Variants in RALGAPA2 observed in about 807,000 individuals in gnomAD.
RALGAPA2 encodes Ral GTPase activating protein catalytic subunit alpha 2.
RALGAPA2 carries 139 observed loss-of-function variants against 230.4 expected under a neutral mutation model. The ratio of observed to expected loss-of-function variants is 0.60; its 90% CI spans 0.53 to 0.69. RALGAPA2 has a LOEUF of 0.69. RALGAPA2 is among the 30% of genes least tolerant of loss of function. RALGAPA2 has a pLI of 0.00. For synonymous variants in RALGAPA2, 847 were observed against 837.8 expected (o/e 1.01, Z -0.19); for missense variants, 2,163 against 2,276.0 (o/e 0.95, Z 1.01).
intron 5 of RALGAPA2, among the ~76,000 whole-genome samples, chr20:20,641,964 G>A (rs1048767090): frequency 1.3e-5 from 2 of 151,452 alleles, no homozygotes; most frequent in African/African-American, 2.4e-5. Flanking sequence ...CCATTAACGG[G>A]GTAAATTCAC....
chr20:20,490,861 AACACACAC>A (rs34230105), intron 36 of RALGAPA2, among the ~76,000 whole-genome samples: 10 of 142,210 alleles, frequency 7.0e-5, no homozygotes, highest in South Asian at 2.3e-4. Flanking sequence ...AACACACATG[AACACACAC>A]ACACACACAC....
Position 20,546,847 on chromosome 20 carries a change from A to G in RALGAPA2, c.3157-15T>C. The G allele has an allele frequency of 6.4e-7, 1 of 1,564,926 alleles. No homozygotes were observed. Among genetic ancestry groups the G allele is most frequent in the Admixed American group, 2.1e-5 (1 of 48,114 alleles). ...TTTAAGATATCCTAAAAGGGAAGAT[A>G]AGAAAAAACACAATCGTAATGTTCA... On this transcript the variant is annotated splice_polypyrimidine_tract_variant and intron_variant, in intron 23 of 39. Transcript: ENST00000202677.
At chr20:20,558,677 A>G (rs893524540) in intron 23 of RALGAPA2, among the ~76,000 whole-genome samples, 4 of 151,674 alleles carry the variant, frequency 2.6e-5, no homozygotes, top group African/African-American at 4.9e-5. Context: ...CTTAAGGGGG[A>G]AAAAAAAGAA....
intron 1 of RALGAPA2, among the ~76,000 whole-genome samples, chr20:20,702,568 C>T (rs2069425957): frequency 6.6e-6 from 1 of 152,184 alleles, no homozygotes; most frequent in Non-Finnish European, 1.5e-5. Context: ...ATTAATACTC[C>T]TGCAGTGCTC....
At chr20:20,600,964 G>A (rs530972492) in intron 16 of RALGAPA2, among the ~76,000 whole-genome samples, 3 of 152,120 alleles carry the variant, frequency 2.0e-5, no homozygotes, top group South Asian at 2.1e-4. Flanking sequence ...GCCGGGCGTC[G>A]TGGCACGCGC....
At chr20:20,496,467 C>A (rs1402947739) in intron 35 of RALGAPA2, among the ~76,000 whole-genome samples, 1 of 152,082 alleles carries the variant, frequency 6.6e-6, no homozygotes, top group Non-Finnish European at 1.5e-5. Flanking sequence ...CTGGTAAGGC[C>A]CTCTGACATC....
chr20:20,553,068 T>C (rs1291512511), intron 23 of RALGAPA2, among the ~76,000 whole-genome samples: 2 of 152,196 alleles, frequency 1.3e-5, no homozygotes, highest in African/African-American at 2.4e-5. Context: ...CTTTCATGAC[T>C]GGGGCCAAAT....
intron 1 of RALGAPA2, among the ~76,000 whole-genome samples, chr20:20,691,585 G>C (rs1286192980): frequency 6.6e-6 from 1 of 152,090 alleles, no homozygotes; most frequent in Non-Finnish European, 1.5e-5. Flanking sequence ...AGTCCAATCA[G>C]GCTTTGACAC....
Position 20,392,986 on chromosome 20 carries a change from TTTTC to T in RALGAPA2, c.*299_*302del. On this transcript the variant is annotated 3_prime_UTR_variant, in exon 40 of 40. Coordinates refer to ENST00000202677, the MANE Select transcript of RALGAPA2 (RefSeq NM_020343.4). ...ATCTCTGGTTTTTGGTGACTTTTTC[TTTTC>T]TTCTTTGGAAGTCCAAGGTTTGTGA... 9.2e-7 allele frequency: 1 copy of T among 1,084,814 alleles called. No individual in the cohort carries two copies. The highest frequency in any genetic ancestry group is 1.2e-6 in the Non-Finnish European group (1 of 816,504). The allele number at this position is 1,084,814 out of a possible 1,614,324, so 67.2% of individuals were successfully genotyped here.
chr20:20,648,015 A>C (rs1034062214), intron 4 of RALGAPA2, among the ~76,000 whole-genome samples: 1 of 152,210 alleles, frequency 6.6e-6, no homozygotes, highest in Non-Finnish European at 1.5e-5. Flanking sequence ...CCATATGTTC[A>C]CACAAAGACG....
intron 16 of RALGAPA2, among the ~76,000 whole-genome samples, chr20:20,593,154 C>T (rs963816146): frequency 1.3e-5 from 2 of 152,206 alleles, no homozygotes; most frequent in Admixed American, 6.5e-5. Flanking sequence ...CCGCCCACCT[C>T]GGCCTTCCAA....
chr20:20,512,236 CACAT>C (rs1210130707), intron 32 of RALGAPA2, among the ~76,000 whole-genome samples: 31 of 145,894 alleles, frequency 2.1e-4, no homozygotes, highest in South Asian at 8.5e-4. Flanking sequence ...CACACACACA[CACAT>C]ACACACACAC....
chr20:20,544,901 A>G (rs1376673240), intron 24 of RALGAPA2, among the ~76,000 whole-genome samples: 2 of 152,178 alleles, frequency 1.3e-5, no homozygotes, highest in East Asian at 3.9e-4. Context: ...GGATAGCATT[A>G]GGAGAAATAC....
chr20:20,501,360 T>C (rs915387860), intron 35 of RALGAPA2, among the ~76,000 whole-genome samples: 1 of 152,286 alleles, frequency 6.6e-6, no homozygotes, highest in African/African-American at 2.4e-5. Flanking sequence ...CTGCAGCTTC[T>C]GCATGAGCAC....
chr20:20,653,465 A>G (rs2067480687), intron 4 of RALGAPA2, 65 bp downstream of exon 4: 1 of 888,752 alleles, frequency 1.1e-6, no homozygotes, highest in African/African-American at 1.7e-5. Context: ...TCAATTATAT[A>G]AAACATTACT....
intron 23 of RALGAPA2, among the ~76,000 whole-genome samples, chr20:20,557,786 G>C (rs1378443608): frequency 6.6e-6 from 1 of 152,164 alleles, no homozygotes; most frequent in African/African-American, 2.4e-5. Flanking sequence ...ACTTAGAAAA[G>C]AGATCCGAGA....
At chr20:20,473,074 C>T in intron 36 of RALGAPA2, 118 bp from the exon 37 acceptor site, 1 of 1,099,122 alleles carries the variant, frequency 9.1e-7, no homozygotes, top group Non-Finnish European at 1.3e-6. Context: ...ACCCACAGAG[C>T]AGACGCTGAC....
chr20:20,702,762 T>TGGTTAA (rs1290717860), intron 1 of RALGAPA2, among the ~76,000 whole-genome samples: 2 of 152,192 alleles, frequency 1.3e-5, no homozygotes, highest in Non-Finnish European at 2.9e-5. Flanking sequence ...CTTTCAGGCA[T>TGGTTAA]GGTTAAGGTT....
At chr20:20,449,285 C>T (rs956445299) in intron 37 of RALGAPA2, among the ~76,000 whole-genome samples, 1 of 152,170 alleles carries the variant, frequency 6.6e-6, no homozygotes, top group Non-Finnish European at 1.5e-5. Flanking sequence ...CACAGAGAGG[C>T]TTTGACATCA....
Sources: gnomAD v4.1 joint callset for allele counts (sites outside exome capture counted in the v4.1 genomes callset) on GRCh38, gnomAD v4.1.1 for gene constraint, MANE v1.5 for transcripts, NCBI Gene and HGNC (gene_info 2026-07-23, HGNC 2026-07-21) for gene names.